The following ZIM3 variants were observed in gnomAD, a reference collection of about 807,000 sequenced individuals.
ZIM3 encodes the protein zinc finger protein 657.
Under a neutral mutation model 12.9 loss-of-function variants are expected in ZIM3, and 11 were observed. The observed-to-expected ratio is 0.85, with a 90% CI of 0.54 to 1.41. The LOEUF (loss-of-function observed/expected upper bound fraction) is 1.41. Ranked by LOEUF, ZIM3 falls within the 40% of genes most tolerant of loss-of-function variation. ZIM3 has a pLI of 0.00. For synonymous variants in ZIM3, 205 were observed against 198.5 expected (o/e 1.03, Z -0.28); for missense variants, 604 against 557.2 (o/e 1.08, Z -0.85).
At chr19:57,139,927 C>T (rs955534709) in intron 2 of ZIM3, among the ~76,000 whole-genome samples, 1 of 152,134 alleles carries the variant, frequency 6.6e-6, no homozygotes, top group Non-Finnish European at 1.5e-5. Context: ...CTACCACACT[C>T]CCACTCACAC....
Position 57,142,580 on chromosome 19 carries a change from G to A in ZIM3, c.15+49C>T, listed in dbSNP as rs745854341. ...GTTAATTCTGAGCAAGAGGAACGTGGGTCATACGTTTATTCATTATGAGAT... is the reference window on the plus strand; with the variant it reads ...GTTAATTCTGAGCAAGAGGAACGTGAGTCATACGTTTATTCATTATGAGAT... On this transcript the variant is annotated intron_variant, in intron 2 of 4. Coordinates refer to ENST00000269834, the MANE Select transcript of ZIM3 (RefSeq NM_052882.1). 3.1e-6 allele frequency: 5 copies of A among 1,598,540 alleles called. No homozygotes were observed. The South Asian group carries it at 3.3e-5, about 11-fold the overall frequency.
Position 57,134,863 on chromosome 19 carries a change from G to A in ZIM3, c.*55C>T, listed in dbSNP as rs1433368976. On this transcript the variant is annotated 3_prime_UTR_variant, in exon 5 of 5. Coordinates refer to ENST00000269834, the MANE Select transcript of ZIM3 (RefSeq NM_052882.1). The stretch of plus-strand genomic sequence containing the variant: ...AGGCCATTTCAACATGGAATTCTGG[G>A]GTGACAATTCCAGGCAACCATATCT... 2 of 1,515,346 alleles carry A rather than the reference G, an allele frequency of 1.3e-6. No homozygotes were observed. Among genetic ancestry groups the A allele is most frequent in the Non-Finnish European group, 1.8e-6 (2 of 1,125,384 alleles). The allele number at this position is 1,515,346 out of a possible 1,614,324, so 93.9% of individuals were successfully genotyped here.
intron 4 of ZIM3, among the ~76,000 whole-genome samples, chr19:57,136,656 T>C (rs2086888188): frequency 8.4e-6 from 1 of 119,744 alleles, no homozygotes; most frequent in Admixed American, 9.4e-5. Flanking sequence ...AGAGACTCCG[T>C]TTCCAGAAAA....
At chr19:57,143,200 G>A (rs566889675) in intron 1 of ZIM3, among the ~76,000 whole-genome samples, 100 of 152,060 alleles carry the variant, frequency 6.6e-4, no homozygotes, top group African/African-American at 2.1e-3. Context: ...GCGTGGTGGC[G>A]GGCGCCTGTA....
chr19:57,141,452 A>T (rs942559257), intron 2 of ZIM3, among the ~76,000 whole-genome samples: 3 of 151,176 alleles, frequency 2.0e-5, no homozygotes, highest in Non-Finnish European at 4.4e-5. Context: ...AGCTGAAACC[A>T]GCCCAGTAAT....
intron 2 of ZIM3, among the ~76,000 whole-genome samples, chr19:57,140,983 G>A (rs931542440): frequency 3.3e-5 from 5 of 152,132 alleles, no homozygotes; most frequent in East Asian, 1.9e-4. Flanking sequence ...GAACAAAGTT[G>A]GGAGAGGACA....
intron 2 of ZIM3, among the ~76,000 whole-genome samples, chr19:57,141,416 AAAAAAC>A (rs1425019065): frequency 5.3e-5 from 7 of 132,104 alleles, no homozygotes; most frequent in Middle Eastern, 4.1e-3. Context: ...AAAAAAAAAA[AAAAAAC>A]AACAAAACAA....
intron 1 of ZIM3, among the ~76,000 whole-genome samples, chr19:57,143,330 C>CA (rs1285167863): frequency 4.1e-3 from 466 of 112,472 alleles, no homozygotes; most frequent in Middle Eastern, 0.029. Flanking sequence ...GACTCCGTCC[C>CA]AAAAAAAAAA....
chr19:57,138,674 C>T, intron 2 of ZIM3, 76 bp from the exon 3 acceptor site: 3 of 1,536,152 alleles, frequency 2.0e-6, no homozygotes, highest in Admixed American at 3.6e-5. Context: ...CTTGTTTCTG[C>T]TGAACCAAGC....
At chr19:57,144,153 G>C (rs2086927146) in intron 1 of ZIM3, among the ~76,000 whole-genome samples, 1 of 152,132 alleles carries the variant, frequency 6.6e-6, no homozygotes, top group African/African-American at 2.4e-5. Flanking sequence ...CCTGGCTCAA[G>C]CAATCCTCCT....
rs1233440569 is a variant in ZIM3 at position 57,135,310 on chromosome 19, C to A, written c.1027G>T (p.Ala343Ser). ...ATGACATTGGATTTCTGGGAAAAGG[C>A]CTTCTCACATATGCTACATTTATAG... ...KPYKCSICEK[A>S]FSQKSNVIDH... Residue 343 changes from alanine (A) to serine (S), a missense_variant, in exon 5 of 5, where the codon GCC (alanine) becomes TCC (serine). Coordinates refer to ENST00000269834, the MANE Select transcript of ZIM3 (RefSeq NM_052882.1). 23 of 1,613,948 alleles carry A rather than the reference C, an allele frequency of 1.4e-5. No individual in the cohort carries two copies. Among genetic ancestry groups the A allele is most frequent in the Non-Finnish European group, 1.9e-5 (23 of 1,180,032 alleles).
Position 57,134,982 on chromosome 19 carries a change from C to A in ZIM3, c.1355G>T (p.Cys452Phe), listed in dbSNP as rs1328489179. The A allele has an allele frequency of 6.2e-7, 1 of 1,614,158 alleles. No individual in the cohort carries two copies. Among genetic ancestry groups the A allele is most frequent in the Non-Finnish European group, 8.5e-7 (1 of 1,180,036 alleles). ...TGQKPYGCSE[C>F]GKAFADRSYL... ...TGACCTGTCAGCGAAGGCTTTACCG[C>A]ATTCAGAACATCCATAAGGTTTTTG... is the stretch of plus-strand genomic sequence containing the variant. Residue 452 changes from cysteine (C) to phenylalanine (F), a missense_variant, in exon 5 of 5, where the codon TGC becomes TTC. Coordinates refer to ENST00000269834, the MANE Select transcript of ZIM3 (RefSeq NM_052882.1).
intron 1 of ZIM3, among the ~76,000 whole-genome samples, chr19:57,143,310 G>C (rs1444646723): frequency 6.7e-6 from 1 of 148,984 alleles, no homozygotes; most frequent in Non-Finnish European, 1.5e-5. Context: ...CAGCCTGGGC[G>C]ACAGAGCGAG....
At chr19:57,140,240 A>C (rs577908575) in intron 2 of ZIM3, among the ~76,000 whole-genome samples, 1 of 151,598 alleles carries the variant, frequency 6.6e-6, no homozygotes, top group Admixed American at 6.6e-5. Context: ...GCAGTGGCAC[A>C]ATCTCGGCTC....
At chr19:57,142,286 G>A (rs1203086216) in intron 2 of ZIM3, among the ~76,000 whole-genome samples, 1 of 151,798 alleles carries the variant, frequency 6.6e-6, no homozygotes, top group Non-Finnish European at 1.5e-5. Flanking sequence ...TGAGACTACA[G>A]GTGTACGCCA....
chr19:57,139,988 C>G (rs1034867067), intron 2 of ZIM3, among the ~76,000 whole-genome samples: 2 of 152,102 alleles, frequency 1.3e-5, no homozygotes, highest in Non-Finnish European at 2.9e-5. Context: ...ACTGGACTTA[C>G]GGCAGCATTT....
intron 2 of ZIM3, among the ~76,000 whole-genome samples, chr19:57,139,989 G>A (rs962156511): frequency 8.6e-5 from 13 of 152,020 alleles, no homozygotes; most frequent in African/African-American, 1.7e-4. Flanking sequence ...CTGGACTTAC[G>A]GCAGCATTTT....
intron 3 of ZIM3, among the ~76,000 whole-genome samples, chr19:57,137,740 G>A (rs2086892989): frequency 6.8e-6 from 1 of 147,468 alleles, no homozygotes; most frequent in Admixed American, 6.7e-5. Context: ...AGTGAGCTAT[G>A]ATTGCACCAC....
At chr19:57,144,468 T>A (rs965148855) in intron 1 of ZIM3, among the ~76,000 whole-genome samples, 2 of 151,998 alleles carry the variant, frequency 1.3e-5, no homozygotes, top group African/African-American at 4.8e-5. Context: ...TATATAATTT[T>A]AAAAAACAGT....
Sources: allele counts gnomAD v4.1 joint callset (sites outside exome capture counted in the v4.1 genomes callset), GRCh38; gene constraint gnomAD v4.1.1; transcripts MANE v1.5; gene names NCBI Gene and HGNC (gene_info 2026-07-23, HGNC 2026-07-21).